The following SIPA1L2 variants were observed in gnomAD, a reference collection of about 807,000 sequenced individuals.
SIPA1L2 encodes the protein signal-induced proliferation-associated 1-like protein 2.
In SIPA1L2, 56 loss-of-function variants were observed where a neutral mutation model predicts 163.9. The observed-to-expected ratio is 0.34, with a 90% CI of 0.28 to 0.43. The LOEUF (loss-of-function observed/expected upper bound fraction) is 0.43. Among genes scored for constraint, SIPA1L2 ranks in the 20% least tolerant of loss-of-function variants. The probability of loss-of-function intolerance (pLI) is 1.00; values close to 1 mark genes in which losing one functional copy is unlikely to be tolerated. For missense variants in SIPA1L2, 1,974 were observed against 2,193.5 expected (o/e 0.90, Z 2.00); for synonymous variants, 877 against 865.7 (o/e 1.01, Z -0.23).
At chr1:232,589,791 A>G (rs974652453) in intron 1 of SIPA1L2, among the ~76,000 whole-genome samples, 1 of 152,230 alleles carries the variant, frequency 6.6e-6, no homozygotes, top group African/African-American at 2.4e-5. Context: ...TGATAAGTGC[A>G]TTCACATATA....
intron 9 of SIPA1L2, among the ~76,000 whole-genome samples, chr1:232,463,470 G>T (rs756894891): frequency 2.0e-5 from 3 of 152,210 alleles, no homozygotes; most frequent in Admixed American, 1.3e-4. Flanking sequence ...CCTAGACACA[G>T]AATATAATTC....
chr1:232,521,396 G>C (rs1035974468), intron 2 of SIPA1L2, among the ~76,000 whole-genome samples: 2 of 152,158 alleles, frequency 1.3e-5, no homozygotes, highest in African/African-American at 2.4e-5. Flanking sequence ...AACCCTGAAG[G>C]ATTTAGTCTC....
intron 4 of SIPA1L2, 117 bp downstream of exon 4, chr1:232,493,410 G>A: frequency 1.6e-6 from 2 of 1,265,910 alleles, no homozygotes; most frequent in Admixed American, 4.7e-5. Context: ...CTTAAATGTT[G>A]CAATCATTAA....
chr1:232,491,790 G>A (rs880836), intron 4 of SIPA1L2, among the ~76,000 whole-genome samples: 38,163 of 151,966 alleles, frequency 0.25, 4,922 homozygotes, highest in Admixed American at 0.35. Context: ...ACCAGGAGCT[G>A]GGGTGATGGC....
At position 232,514,894 on chromosome 1, in the gene SIPA1L2, G is replaced by C; in HGVS notation, c.446C>G (p.Pro149Arg). 4 of 1,614,158 alleles carry C rather than the reference G, an allele frequency of 2.5e-6. No individual in the cohort carries two copies. Among genetic ancestry groups the C allele is most frequent in the Non-Finnish European group, 3.4e-6 (4 of 1,180,018 alleles). The change falls in exon 3 of 23, where the codon CCC (proline) becomes CGC (arginine). Residue 149 changes from proline to arginine, a missense_variant. Coordinates refer to ENST00000674635, the MANE Select transcript of SIPA1L2 (RefSeq NM_020808.5). ...YTIGDIFVHS[P>R]QRGLHPIRQR... ...TCTTATGGGGTGAAGTCCTCTTTGG[G>C]GGGAATGGACAAAGATGTCTCCGAT...
chr1:232,608,470 T>C (rs908539638), intron 1 of SIPA1L2, among the ~76,000 whole-genome samples: 1 of 152,176 alleles, frequency 6.6e-6, no homozygotes, highest in African/African-American at 2.4e-5. Flanking sequence ...CAGTAACAAC[T>C]CTCAAATAAT....
chr1:232,613,785 G>A (rs1004095236), intron 1 of SIPA1L2, among the ~76,000 whole-genome samples: 1 of 152,178 alleles, frequency 6.6e-6, no homozygotes, highest in Non-Finnish European at 1.5e-5. Context: ...CACAGAATAT[G>A]ACCTTTCAGG....
At chr1:232,420,030 G>A (rs1159545712) in intron 18 of SIPA1L2, among the ~76,000 whole-genome samples, 2 of 152,146 alleles carry the variant, frequency 1.3e-5, no homozygotes, top group African/African-American at 4.8e-5. Flanking sequence ...AGTAGGATAT[G>A]CACAGTGCTG....
rs1661187731 is a variant in SIPA1L2 at position 232,415,416 on chromosome 1, C to A, written c.4762+78G>T. On this transcript the variant is annotated intron_variant, in intron 19 of 22. Transcript: ENST00000674635. ...CCAGACGATGGGAGACAGACGGGCTCCCCTAAGATGCCGCACAGGCCCTGC... is the reference window on the plus strand; with the variant it reads ...CCAGACGATGGGAGACAGACGGGCTACCCTAAGATGCCGCACAGGCCCTGC... 7.4e-6 allele frequency: 11 copies of A among 1,486,324 alleles called. No individual in the cohort carries two copies. In the South Asian group the frequency reaches 1.4e-4, roughly 19 times the overall value. The allele number at this position is 1,486,324 out of a possible 1,614,324, so 92.1% of individuals were successfully genotyped here. A position where few individuals can be genotyped will look rare whatever the true frequency, so the allele number is the denominator to read the frequency against.
chr1:232,496,747 C>A (rs1202305453), intron 3 of SIPA1L2, among the ~76,000 whole-genome samples: 1 of 152,140 alleles, frequency 6.6e-6, no homozygotes. Flanking sequence ...CTCTCAGTTG[C>A]AGTTAGTTAA....
intron 2 of SIPA1L2, among the ~76,000 whole-genome samples, chr1:232,527,756 G>T (rs1667780043): frequency 2.1e-5 from 2 of 95,268 alleles, no homozygotes; most frequent in Non-Finnish European, 3.9e-5. Context: ...TTTTGAGACA[G>T]GGTCTCACTC....
At chr1:232,528,822 C>T (rs1573032831) in intron 2 of SIPA1L2, among the ~76,000 whole-genome samples, 1 of 152,220 alleles carries the variant, frequency 6.6e-6, no homozygotes, top group African/African-American at 2.4e-5. Flanking sequence ...ATCAAAACTT[C>T]ACAACACCAC....
At chr1:232,558,508 A>T (rs1461259342) in intron 2 of SIPA1L2, among the ~76,000 whole-genome samples, 2 of 152,222 alleles carry the variant, frequency 1.3e-5, no homozygotes, top group African/African-American at 4.8e-5. Context: ...GCTGGCATTC[A>T]GGTTCCCATG....
At chr1:232,621,376 T>C (rs1382339246) in intron 1 of SIPA1L2, among the ~76,000 whole-genome samples, 1 of 152,184 alleles carries the variant, frequency 6.6e-6, no homozygotes, top group East Asian at 1.9e-4. Context: ...CCTCTCTCCC[T>C]TCTTCCTTTC....
At chr1:232,441,626 A>C in intron 13 of SIPA1L2, 142 bp downstream of exon 13, 2 of 780,954 alleles carry the variant, frequency 2.6e-6, no homozygotes, top group African/African-American at 1.7e-5. Context: ...CCCCTCCTGC[A>C]TCTGGAGACC....
At chr1:232,461,796 A>G (rs2357069) in intron 9 of SIPA1L2, among the ~76,000 whole-genome samples, 46,705 of 152,090 alleles carry the variant, frequency 0.31, 7,847 homozygotes, top group East Asian at 0.58. Flanking sequence ...CACCAGCCCT[A>G]GGGACATACT....
At chr1:232,570,330 C>A (rs1659647228) in intron 2 of SIPA1L2, among the ~76,000 whole-genome samples, 1 of 152,172 alleles carries the variant, frequency 6.6e-6, no homozygotes, top group African/African-American at 2.4e-5. Context: ...ATGAGGGCAT[C>A]AAATGGTAAA....
chr1:232,436,451 G>C (rs1409892695), intron 15 of SIPA1L2, among the ~76,000 whole-genome samples: 1 of 152,180 alleles, frequency 6.6e-6, no homozygotes, highest in Non-Finnish European at 1.5e-5. Flanking sequence ...GGTTTAGGCA[G>C]GATGGTCACC....
At chr1:232,552,829 C>T (rs948065871) in intron 2 of SIPA1L2, among the ~76,000 whole-genome samples, 1 of 152,230 alleles carries the variant, frequency 6.6e-6, no homozygotes, top group African/African-American at 2.4e-5. Flanking sequence ...ACTTCCCTGA[C>T]CCCCTTCACT....
Sources: allele counts gnomAD v4.1 joint callset (sites outside exome capture counted in the v4.1 genomes callset), GRCh38; gene constraint gnomAD v4.1.1; transcripts MANE v1.5; gene names NCBI Gene and HGNC (gene_info 2026-07-23, HGNC 2026-07-21).